The following PAK2 variants were observed in gnomAD, a reference collection of about 807,000 sequenced individuals.
PAK2 encodes the protein p21 (RAC1) activated kinase 2, also known as serine/threonine-protein kinase PAK 2.
Under a neutral mutation model 65.9 loss-of-function variants are expected in PAK2, and 21 were observed. The ratio of observed to expected loss-of-function variants is 0.32; its 90% confidence interval spans 0.23 to 0.46. The LOEUF is 0.46. Among genes scored for constraint, PAK2 ranks in the 20% least tolerant of loss-of-function variants. The pLI, the probability that PAK2 is intolerant of heterozygous loss-of-function variation, is 1.00. For missense variants in PAK2, 324 were observed against 642.6 expected (o/e 0.50, Z 5.36); for synonymous variants, 204 against 219.7 (o/e 0.93, Z 0.63).
intron 12 of PAK2, among the ~76,000 whole-genome samples, chr3:196,818,888 C>A (rs778532539): frequency 6.6e-6 from 1 of 151,954 alleles, no homozygotes; most frequent in Non-Finnish European, 1.5e-5. Flanking sequence ...GGTTACCATG[C>A]GGATTAAATA....
intron 1 of PAK2, among the ~76,000 whole-genome samples, chr3:196,762,195 C>T (rs1450273708): frequency 4.8e-5 from 5 of 104,550 alleles, no homozygotes; most frequent in Admixed American, 9.0e-5. Flanking sequence ...CGGGCGCAGA[C>T]GCTCCTCACT....
At chr3:196,770,828 G>GGAA (rs1714338538) in intron 1 of PAK2, among the ~76,000 whole-genome samples, 1 of 151,862 alleles carries the variant, frequency 6.6e-6, no homozygotes, top group Non-Finnish European at 1.5e-5. Context: ...TCACTATGTT[G>GGAA]ACCAGGCTGG....
At chr3:196,799,429 A>G (rs1302372087) in intron 2 of PAK2, among the ~76,000 whole-genome samples, 9 of 152,182 alleles carry the variant, frequency 5.9e-5, no homozygotes, top group Non-Finnish European at 5.9e-5. Flanking sequence ...GAGAGTGTTG[A>G]GACATGGGAC....
intron 11 of PAK2, among the ~76,000 whole-genome samples, chr3:196,815,227 A>G (rs1715970866): frequency 6.6e-6 from 1 of 151,690 alleles, no homozygotes; most frequent in Admixed American, 6.6e-5. Context: ...GTGGTGGCTC[A>G]TGCCTGTAAT....
rs913123552 is a variant in PAK2 at position 196,791,814 on chromosome 3, C to G, written c.187+8981C>G. Among the ~76,000 whole-genome samples the G allele has an allele frequency of 1.3e-5, 2 of 151,896 alleles. No homozygotes were observed. The highest frequency in any genetic ancestry group is 4.8e-5 in the African/African-American group (2 of 41,328). On this transcript the variant is annotated intron_variant, in intron 2 of 14. Transcript: ENST00000327134. The surrounding 1 kb of genome is among the most constrained non-coding windows in gnomAD (Gnocchi z 4.0). ...TGGCGGGCCCCTGTAGTCCCAGCTA[C>G]TCGGGAGGCTGAGGCAGGAGAATGG...
chr3:196,802,140 T>G (rs1715439702), intron 3 of PAK2, 113 bp downstream of exon 3: 1 of 690,324 alleles, frequency 1.4e-6, no homozygotes, highest in Admixed American at 2.1e-5. Flanking sequence ...GGCACACGCC[T>G]GTAATCCCAG....
chr3:196,802,287 A>G (rs1715443757), intron 3 of PAK2, among the ~76,000 whole-genome samples: 1 of 152,062 alleles, frequency 6.6e-6, no homozygotes, highest in Non-Finnish European at 1.5e-5. Context: ...TGTAATTCCA[A>G]CTACTCAGGA....
intron 1 of PAK2, among the ~76,000 whole-genome samples, chr3:196,769,529 C>T (rs963797565): frequency 1.3e-5 from 2 of 151,620 alleles, no homozygotes; most frequent in African/African-American, 4.9e-5. Context: ...TTCCGCATCC[C>T]GGCCAGGCGT....
intron 1 of PAK2, among the ~76,000 whole-genome samples, chr3:196,777,147 A>T (rs139266811): frequency 6.6e-6 from 1 of 152,172 alleles, no homozygotes; most frequent in South Asian, 2.1e-4. Flanking sequence ...AATGTATGAC[A>T]TGTAATGGGT....
intron 1 of PAK2, among the ~76,000 whole-genome samples, chr3:196,749,831 T>G (rs1371858972): frequency 1.1e-4 from 5 of 45,434 alleles, no homozygotes; most frequent in African/African-American, 2.0e-4. Context: ...TGTTTTCTGT[T>G]TTTTTTTTGA....
chr3:196,755,621 G>T (rs1713742545), intron 1 of PAK2, among the ~76,000 whole-genome samples: 1 of 152,070 alleles, frequency 6.6e-6, no homozygotes, highest in African/African-American at 2.4e-5. Flanking sequence ...ACCACGCCTG[G>T]CTAATTTTGT....
At chr3:196,777,253 G>A (rs564744057) in intron 1 of PAK2, among the ~76,000 whole-genome samples, 1 of 152,216 alleles carries the variant, frequency 6.6e-6, no homozygotes, top group Non-Finnish European at 1.5e-5. Flanking sequence ...ACCCAGGCTG[G>A]AGTGCAGTGG....
At chr3:196,821,887 A>T (rs532729628) in intron 13 of PAK2, among the ~76,000 whole-genome samples, 143 of 152,350 alleles carry the variant, frequency 9.4e-4, no homozygotes, top group African/African-American at 3.0e-3. Context: ...AGAAACCTTC[A>T]TGCAGCCACA....
intron 1 of PAK2, among the ~76,000 whole-genome samples, chr3:196,764,284 A>T (rs899317675): frequency 1.3e-5 from 2 of 152,118 alleles, no homozygotes; most frequent in African/African-American, 2.4e-5. Flanking sequence ...AGTGACCTTT[A>T]GGAAGAGATT....
chr3:196,793,008 G>A (rs562987401), intron 2 of PAK2, among the ~76,000 whole-genome samples: 2 of 152,174 alleles, frequency 1.3e-5, no homozygotes, highest in African/African-American at 4.8e-5. Flanking sequence ...TAGAAATTCT[G>A]GAAGCTCAAG....
Position 196,791,813 on chromosome 3 carries a change from A to G in PAK2, c.187+8980A>G, listed in dbSNP as rs990494096. On this transcript the variant is annotated intron_variant, in intron 2 of 14. Transcript: ENST00000327134. The surrounding 1 kb of genome is among the most constrained non-coding windows in gnomAD (Gnocchi z 4.0). ...GTGGCGGGCCCCTGTAGTCCCAGCT[A>G]CTCGGGAGGCTGAGGCAGGAGAATG... Among the ~76,000 whole-genome samples, 2 of 151,882 alleles carry G rather than the reference A, an allele frequency of 1.3e-5. No individual in the cohort carries two copies. Among genetic ancestry groups the G allele is most frequent in the Non-Finnish European group, 2.9e-5 (2 of 67,976 alleles).
At chr3:196,801,905 C>G in intron 2 of PAK2, 22 bp from the exon 3 acceptor site, 1 of 1,245,544 alleles carries the variant, frequency 8.0e-7, no homozygotes, top group East Asian at 2.3e-5. Context: ...GATTCTTTCT[C>G]TTTTTTTCTA....
At chr3:196,809,243 G>C (rs1715694183) in intron 7 of PAK2, among the ~76,000 whole-genome samples, 1 of 149,174 alleles carries the variant, frequency 6.7e-6, no homozygotes, top group African/African-American at 2.5e-5. Context: ...GTGAGACCCT[G>C]TCTCTAAAAA....
At position 196,820,241 on chromosome 3, in the gene PAK2, C is replaced by T. The variant is rs1391105283; in HGVS notation, c.1154-130C>T. On this transcript the variant is annotated intron_variant, in intron 12 of 14. Coordinates refer to ENST00000327134, the MANE Select transcript of PAK2 (RefSeq NM_002577.4). This position sits in a 1 kb window ranked among gnomAD's most constrained non-coding sequence, Gnocchi z 4.6. ...ATATTTTTAAACTCATTCTGGTTTACTTTATTAATGAAATCTTTAAAAACA... is the reference window on the plus strand; with the variant it reads ...ATATTTTTAAACTCATTCTGGTTTATTTTATTAATGAAATCTTTAAAAACA... The T allele has an allele frequency of 2.3e-6, 1 of 433,898 alleles. No homozygotes were observed. Among genetic ancestry groups the T allele is most frequent in the East Asian group, 3.6e-5 (1 of 27,638 alleles). 26.9% of individuals were successfully genotyped at this position (433,898 alleles called of 1,614,324 possible).
Sources: gnomAD v4.1 joint callset for allele counts (sites outside exome capture counted in the v4.1 genomes callset) on GRCh38, gnomAD v4.1.1 for gene constraint, Gnocchi (gnomAD v3.1) non-coding constraint, MANE v1.5 for transcripts, NCBI Gene and HGNC (gene_info 2026-07-23, HGNC 2026-07-21) for gene names.